FGGY: variants seen among roughly 807,000 people sequenced by gnomAD.
The protein encoded by FGGY is FGGY carbohydrate kinase domain containing, also known as FGGY carbohydrate kinase domain-containing protein.
FGGY carries 72 observed loss-of-function variants against 71.3 expected under a neutral mutation model. The ratio of observed to expected loss-of-function variants is 1.01; its 90% CI spans 0.84 to 1.23. The LOEUF is 1.23. Among genes scored for constraint, FGGY ranks in the 50% most tolerant of loss-of-function variants. The pLI, the probability that FGGY is intolerant of heterozygous loss-of-function variation, is 0.00. For synonymous variants in FGGY, 251 were observed against 250.3 expected (o/e 1.00, Z -0.02); for missense variants, 668 against 682.3 (o/e 0.98, Z 0.23).
At chr1:59,303,186 AC>A (rs1159465211) in intron 1 of FGGY, among the ~76,000 whole-genome samples, 5 of 152,200 alleles carry the variant, frequency 3.3e-5, no homozygotes, top group Non-Finnish European at 5.9e-5. Context: ...TAAATTATCA[AC>A]TGTAATCACT....
intron 14 of FGGY, among the ~76,000 whole-genome samples, chr1:59,716,704 G>T (rs1397237409): frequency 1.3e-5 from 2 of 152,206 alleles, no homozygotes; most frequent in Non-Finnish European, 2.9e-5. Flanking sequence ...AATTCAGAGA[G>T]CTGGGAACAA....
At chr1:59,686,023 T>C (rs1265846601) in intron 14 of FGGY, among the ~76,000 whole-genome samples, 1 of 152,210 alleles carries the variant, frequency 6.6e-6, no homozygotes, top group Non-Finnish European at 1.5e-5. Flanking sequence ...AACTTAGAAA[T>C]CCTTCCATGG....
chr1:59,474,643 A>G (rs1366705545), intron 6 of FGGY, among the ~76,000 whole-genome samples: 3 of 152,234 alleles, frequency 2.0e-5, no homozygotes, highest in African/African-American at 4.8e-5. Context: ...TACCCAATCC[A>G]TTGTCCAATC....
intron 1 of FGGY, among the ~76,000 whole-genome samples, chr1:59,297,558 C>T (rs2042124013): frequency 1.3e-5 from 2 of 152,178 alleles, no homozygotes; most frequent in Admixed American, 6.5e-5. Context: ...CGCGGTGGCT[C>T]ACGCCTGTAA....
chr1:59,702,844 C>T (rs991058022), intron 14 of FGGY, among the ~76,000 whole-genome samples: 1 of 152,180 alleles, frequency 6.6e-6, no homozygotes, highest in Non-Finnish European at 1.5e-5. Flanking sequence ...GCAGCTTCCT[C>T]ATGGTCCCTG....
chr1:59,474,453 T>A (rs1345800454), intron 6 of FGGY, among the ~76,000 whole-genome samples: 1 of 152,202 alleles, frequency 6.6e-6, no homozygotes. Context: ...ATGACAGAAA[T>A]GAGACCAGAA....
intron 5 of FGGY, among the ~76,000 whole-genome samples, chr1:59,444,726 G>A (rs191625913): frequency 4.6e-5 from 7 of 152,264 alleles, no homozygotes; most frequent in South Asian, 2.1e-4. Flanking sequence ...AGGGATCTAA[G>A]TTGCACGCTC....
chr1:59,346,202 G>T, intron 3 of FGGY, 45 bp from the exon 4 acceptor site: 1 of 1,606,740 alleles, frequency 6.2e-7, no homozygotes, highest in Non-Finnish European at 8.5e-7. Flanking sequence ...GAATTAGAAG[G>T]AAGAGAATGT....
At chr1:59,298,426 A>G (rs1024163352) in intron 1 of FGGY, among the ~76,000 whole-genome samples, 3 of 149,828 alleles carry the variant, frequency 2.0e-5, no homozygotes, top group African/African-American at 7.7e-5. Context: ...AAGTCAAAAC[A>G]TGTGTGCTGG....
intron 5 of FGGY, among the ~76,000 whole-genome samples, chr1:59,413,052 A>G (rs908847858): frequency 3.3e-5 from 5 of 152,346 alleles, no homozygotes; most frequent in African/African-American, 1.2e-4. Context: ...GCATTTGCAC[A>G]GATTGTTTCT....
intron 5 of FGGY, among the ~76,000 whole-genome samples, chr1:59,416,390 G>A (rs1453096720): frequency 2.0e-5 from 3 of 151,924 alleles, no homozygotes; most frequent in Non-Finnish European, 4.4e-5. Flanking sequence ...TAGTGGGGGC[G>A]ATAGTGAAAA....
At chr1:59,578,654 G>C (rs888091317) in intron 8 of FGGY, among the ~76,000 whole-genome samples, 2 of 152,006 alleles carry the variant, frequency 1.3e-5, no homozygotes, top group Non-Finnish European at 2.9e-5. Context: ...GAATACAGTG[G>C]ATCCCCCTGA....
chr1:59,710,884 G>T (rs184993744), intron 14 of FGGY, among the ~76,000 whole-genome samples: 1 of 152,086 alleles, frequency 6.6e-6, no homozygotes, highest in African/African-American at 2.4e-5. Context: ...ACAGTGTGGC[G>T]ATTCCTCAAG....
At position 59,698,637 on chromosome 1, in the gene FGGY, T is replaced by A. The variant is rs913769765; in HGVS notation, c.1512+24504T>A. 3 of 497,596 alleles carry A rather than the reference T, an allele frequency of 6.0e-6. No homozygotes were observed. The Admixed American group carries it at 1.9e-4, about 32-fold the overall frequency. The allele number at this position is 497,596 out of a possible 1,614,324, so 30.8% of individuals were successfully genotyped here. A position where few individuals can be genotyped will look rare whatever the true frequency, so the allele number is the denominator to read the frequency against. On this transcript the variant is annotated intron_variant, in intron 14 of 15. Coordinates refer to ENST00000303721, the MANE Select transcript of FGGY (RefSeq NM_018291.5). ...TCTCTTTGCTGACCACTTGGGAATT[T>A]TTTTTTCTTGCTTCTGACCCACCTC...
At chr1:59,619,292 G>A (rs1358273211) in intron 9 of FGGY, among the ~76,000 whole-genome samples, 1 of 151,962 alleles carries the variant, frequency 6.6e-6, no homozygotes, top group Non-Finnish European at 1.5e-5. Flanking sequence ...CAAGACTCCT[G>A]TACCCTTCTC....
rs569668380 is a variant in FGGY, at chr1:59,673,617, C to T, written c.1418-422C>T. 3.7e-5 allele frequency: 7 copies of T among 187,172 alleles called. No homozygotes were observed. The South Asian group carries it at 5.1e-4, about 14-fold the overall frequency. The allele number at this position is 187,172 out of a possible 1,614,324, so 11.6% of individuals were successfully genotyped here. A position where few individuals can be genotyped will look rare whatever the true frequency, so the allele number is the denominator to read the frequency against. On this transcript the variant is annotated intron_variant, in intron 13 of 15. Coordinates refer to ENST00000303721, the MANE Select transcript of FGGY (RefSeq NM_018291.5). ...TCTCAGTTAGAGAACCAACCCCCTC[C>T]GTAGCCTTCATCTCTCTCATCCATT...
intron 9 of FGGY, among the ~76,000 whole-genome samples, chr1:59,625,487 T>A (rs1315331264): frequency 1.3e-5 from 2 of 152,038 alleles, no homozygotes; most frequent in Non-Finnish European, 2.9e-5. Context: ...TTCAAAAAAT[T>A]TTTTTAATGA....
At chr1:59,556,730 A>G (rs1016376041) in intron 8 of FGGY, among the ~76,000 whole-genome samples, 2 of 152,212 alleles carry the variant, frequency 1.3e-5, no homozygotes, top group African/African-American at 4.8e-5. Context: ...AGGGTTGTTG[A>G]GTAACATGCA....
chr1:59,533,747 C>T (rs1445449286), intron 7 of FGGY, among the ~76,000 whole-genome samples: 1 of 152,236 alleles, frequency 6.6e-6, no homozygotes, highest in African/African-American at 2.4e-5. Flanking sequence ...ACTGACACCT[C>T]ACACAGACCT....
Sources: gnomAD v4.1 joint callset for allele counts (sites outside exome capture counted in the v4.1 genomes callset) on GRCh38, gnomAD v4.1.1 for gene constraint, MANE v1.5 for transcripts, NCBI Gene and HGNC (gene_info 2026-07-23, HGNC 2026-07-21) for gene names.